The following FBXO34 variants were observed in gnomAD, a reference collection of about 807,000 sequenced individuals.
The protein encoded by FBXO34 is F-box protein 34.
A neutral mutation model predicts 24.5 loss-of-function variants in FBXO34; 12 were observed. The ratio of observed to expected loss-of-function variants is 0.49; its 90% confidence interval spans 0.31 to 0.79. The LOEUF (loss-of-function observed/expected upper bound fraction) is 0.79. Ranked by LOEUF, FBXO34 falls within the 30% of genes least tolerant of loss-of-function variation. FBXO34 has a pLI of 0.04. For synonymous variants in FBXO34, 320 were observed against 311.9 expected (o/e 1.03, Z -0.27); for missense variants, 823 against 857.7 (o/e 0.96, Z 0.51).
the FBXO34 span, chr14:55,411,809 C>T: frequency 6.3e-7 from 1 of 1,595,282 alleles, no homozygotes; most frequent in Non-Finnish European, 8.5e-7. Flanking sequence ...TCCCTTCCCA[C>T]TGGGAGACGC....
the FBXO34 span, chr14:55,380,769 T>C: frequency 1.0e-6 from 1 of 967,172 alleles, no homozygotes. Flanking sequence ...TTATCATTTA[T>C]GATTTTATCA....
downstream of FBXO34, chr14:55,369,571 G>A: frequency 7.0e-7 from 1 of 1,429,822 alleles, no homozygotes; most frequent in Non-Finnish European, 9.3e-7. Flanking sequence ...AGTGTAGTGG[G>A]AGAAGAACTT....
intron 1 of FBXO34, among the ~76,000 whole-genome samples, chr14:55,274,938 C>T (rs184438352): frequency 2.8e-4 from 42 of 152,266 alleles, no homozygotes; most frequent in African/African-American, 9.1e-4. Flanking sequence ...CAAAATTCAG[C>T]AAGTGCATAA....
At chr14:55,401,983 G>A in the FBXO34 span, among the ~76,000 whole-genome samples, 473 of 152,292 alleles carry the variant, frequency 3.1e-3, 2 homozygotes, top group African/African-American at 0.011. Context: ...TTATGAATGC[G>A]AGTCTCACTT....
intron 1 of FBXO34, among the ~76,000 whole-genome samples, chr14:55,305,248 C>T (rs559255150): frequency 6.6e-6 from 1 of 152,136 alleles, no homozygotes; most frequent in Non-Finnish European, 1.5e-5. Flanking sequence ...CCTGTCTCTA[C>T]TAAAATAAAA....
chr14:55,280,926 T>A (rs1396375496), intron 1 of FBXO34, among the ~76,000 whole-genome samples: 1 of 152,084 alleles, frequency 6.6e-6, no homozygotes, highest in Non-Finnish European at 1.5e-5. Flanking sequence ...ATGAACCTTG[T>A]ATGTATGTAA....
the FBXO34 span, chr14:55,414,548 T>C: frequency 1.1e-6 from 1 of 909,738 alleles, no homozygotes; most frequent in Non-Finnish European, 1.6e-6. Context: ...TCCAATTACT[T>C]TTAATATGAC....
chr14:55,363,023 C>CTCTCT (rs58355682), downstream of FBXO34, among the ~76,000 whole-genome samples: 9 of 132,352 alleles, frequency 6.8e-5, no homozygotes, highest in Non-Finnish European at 1.4e-4. Context: ...TTCTCTCTCT[C>CTCTCT]TTTTTTTTTT....
At chr14:55,403,201 G>A in the FBXO34 span, among the ~76,000 whole-genome samples, 3 of 151,602 alleles carry the variant, frequency 2.0e-5, no homozygotes, top group Non-Finnish European at 2.9e-5. Flanking sequence ...CCTTGGTAAA[G>A]GGATTAAAAA....
chr14:55,417,612 A>AC, the FBXO34 span, among the ~76,000 whole-genome samples: 4 of 152,178 alleles, frequency 2.6e-5, no homozygotes, highest in Admixed American at 1.3e-4. Flanking sequence ...GGCAAGCACC[A>AC]CCATGTCTGG....
chr14:55,353,729 T>C (rs1372602198), downstream of FBXO34: 1 of 162,976 alleles, frequency 6.1e-6, no homozygotes, highest in African/African-American at 2.4e-5. Flanking sequence ...AAGTGTTTTT[T>C]TCTGCCACGG....
At chr14:55,281,872 A>G (rs1881555381) in intron 1 of FBXO34, among the ~76,000 whole-genome samples, 1 of 151,814 alleles carries the variant, frequency 6.6e-6, no homozygotes, top group Admixed American at 6.6e-5. Context: ...GTAGGCACAT[A>G]TCGAAGGCTT....
chr14:55,293,120 T>G (rs1394242925), intron 1 of FBXO34, among the ~76,000 whole-genome samples: 3 of 150,598 alleles, frequency 2.0e-5, no homozygotes, highest in African/African-American at 7.3e-5. Flanking sequence ...TGACCTCAGG[T>G]GATCTACTCG....
chr14:55,292,961 C>T (rs1386446442), intron 1 of FBXO34, among the ~76,000 whole-genome samples: 1 of 152,192 alleles, frequency 6.6e-6, no homozygotes, highest in Non-Finnish European at 1.5e-5. Flanking sequence ...CACCTTACTG[C>T]AGCCTCCATC....
At chr14:55,358,591 G>T (rs1401157494), downstream of FBXO34, among the ~76,000 whole-genome samples, 1 of 151,126 alleles carries the variant, frequency 6.6e-6, no homozygotes, top group Admixed American at 6.6e-5. Flanking sequence ...AAAGATTCTG[G>T]AACAGTGCCT....
chr14:55,349,948 T>TG (rs1406022592), intron 1 of FBXO34, among the ~76,000 whole-genome samples: 3 of 152,122 alleles, frequency 2.0e-5, no homozygotes, highest in Non-Finnish European at 4.4e-5. Context: ...ACTAATAAAA[T>TG]GCGAATTGTG....
chr14:55,316,581 A>AG lies in FBXO34; in HGVS notation c.-10-33799dup, dbSNP rs1555337343. 9.8e-3 allele frequency among the ~76,000 whole-genome samples: 1,390 copies of AG among 141,174 alleles called. 22 individuals are homozygous for AG. Among genetic ancestry groups the AG allele is most frequent in the African/African-American group, 0.035 (1,334 of 38,120 alleles). The allele number at this position is 141,174 out of a possible 152,430, so 92.6% of individuals were successfully genotyped here. ...GTCTCTACCAAAAAAAAAAAAAAAAAGCCTAGCACAGTGGCACATGTCTAT... is the reference window on the plus strand; with the variant it reads ...GTCTCTACCAAAAAAAAAAAAAAAAAGGCCTAGCACAGTGGCACATGTCTAT... On this transcript the variant is annotated intron_variant, in intron 1 of 1. Coordinates refer to ENST00000313833, the MANE Select transcript of FBXO34 (RefSeq NM_017943.4).
intron 1 of FBXO34, among the ~76,000 whole-genome samples, chr14:55,295,104 A>C (rs1488826698): frequency 6.6e-6 from 1 of 152,226 alleles, no homozygotes; most frequent in East Asian, 1.9e-4. Context: ...TTTCTACTGA[A>C]TGTGTATCAC....
At chr14:55,370,131 A>G (rs1884781780), downstream of FBXO34, among the ~76,000 whole-genome samples, 1 of 152,202 alleles carries the variant, frequency 6.6e-6, no homozygotes, top group South Asian at 2.1e-4. Flanking sequence ...AAATAAAATC[A>G]TGATACCACA....
Sources: allele counts gnomAD v4.1 joint callset (sites outside exome capture counted in the v4.1 genomes callset), GRCh38; gene constraint gnomAD v4.1.1; transcripts MANE v1.5; gene names NCBI Gene and HGNC (gene_info 2026-07-23, HGNC 2026-07-21).